RBM47: variants seen among roughly 807,000 people sequenced by gnomAD.
RBM47 encodes RNA binding motif protein 47, also known as RNA-binding protein 47.
RBM47 carries 21 observed loss-of-function variants against 47.1 expected under a neutral mutation model. The ratio of observed to expected loss-of-function variants is 0.45; its 90% CI spans 0.32 to 0.64. The LOEUF is 0.64. Ranked by LOEUF, RBM47 falls within the 30% of genes least tolerant of loss-of-function variation. RBM47 has a pLI of 0.05. For missense variants in RBM47, 708 were observed against 870.9 expected (o/e 0.81, Z 2.35); for synonymous variants, 375 against 361.7 (o/e 1.04, Z -0.42).
intron 2 of RBM47, among the ~76,000 whole-genome samples, chr4:40,468,313 T>C (rs1017812254): frequency 6.6e-5 from 10 of 152,070 alleles, no homozygotes; most frequent in African/African-American, 1.9e-4. Flanking sequence ...AAAATAAGAA[T>C]AAAGGAGTTG....
At chr4:40,544,556 A>G (rs1728836974) in intron 1 of RBM47, 50 bp from the exon 2 acceptor site, 1 of 152,226 alleles carries the variant, frequency 6.6e-6, no homozygotes, top group Non-Finnish European at 1.5e-5. Flanking sequence ...GGTATTGAGA[A>G]GTCCAAAGTT....
At position 40,609,388 on chromosome 4, in the gene RBM47, C is replaced by T. The variant is rs570837805; in HGVS notation, c.-240+20008G>A. ...AGTGCAGTGCCACAATCTTGGCTCA[C>T]GGTAACCTCCGCCTCCCAGGTTCAA... is the stretch of plus-strand genomic sequence containing the variant. On this transcript the variant is annotated intron_variant, in intron 1 of 6. Coordinates refer to ENST00000295971, the MANE Select transcript of RBM47 (RefSeq NM_001098634.2). Among the ~76,000 whole-genome samples the T allele has an allele frequency of 4.0e-5, 6 of 151,352 alleles. No individual in the cohort carries two copies. In the South Asian group the frequency reaches 1.0e-3, roughly 26 times the overall value.
chr4:40,569,519 C>T (rs1409688981), intron 1 of RBM47, among the ~76,000 whole-genome samples: 2 of 151,102 alleles, frequency 1.3e-5, no homozygotes, highest in African/African-American at 4.9e-5. Context: ...ACACCATTCT[C>T]CTGCCTCAGC....
At chr4:40,620,635 T>C (rs1307909682) in intron 1 of RBM47, among the ~76,000 whole-genome samples, 1 of 152,248 alleles carries the variant, frequency 6.6e-6, no homozygotes, top group African/African-American at 2.4e-5. Context: ...GCTCCCTCTA[T>C]ATAGTATATT....
chr4:40,437,653 G>C (rs1712867121), intron 4 of RBM47, 118 bp downstream of exon 4: 2 of 1,063,062 alleles, frequency 1.9e-6, no homozygotes, highest in Non-Finnish European at 2.7e-6. Context: ...CAAAACGGGG[G>C]TGGGAGGGCC....
chr4:40,607,869 T>C (rs975006119), intron 1 of RBM47, among the ~76,000 whole-genome samples: 2 of 151,916 alleles, frequency 1.3e-5, no homozygotes, highest in Non-Finnish European at 2.9e-5. Context: ...CTTTGGGAGG[T>C]TGAGGCGGAA....
chr4:40,570,041 T>G lies in RBM47; in HGVS notation c.-239-25535A>C, dbSNP rs189979133. 1.1e-3 allele frequency among the ~76,000 whole-genome samples: 170 copies of G among 151,930 alleles called. 2 individuals carry two copies. The highest frequency in any genetic ancestry group is 2.5e-4 in the Non-Finnish European group (17 of 67,832). On this transcript the variant is annotated intron_variant, in intron 1 of 6. Coordinates refer to ENST00000295971, the MANE Select transcript of RBM47 (RefSeq NM_001098634.2). ...ATATTTTTTGAAAATAAACATAAAC[T>G]AATGAGTGAGAGAGTCTGTCACAAA...
At chr4:40,590,095 A>G (rs561474553) in intron 1 of RBM47, among the ~76,000 whole-genome samples, 2 of 152,276 alleles carry the variant, frequency 1.3e-5, no homozygotes, top group African/African-American at 4.8e-5. Context: ...CCCACACTCC[A>G]TTCTAGCTGA....
intron 2 of RBM47, among the ~76,000 whole-genome samples, chr4:40,529,699 C>T (rs893024296): frequency 2.1e-4 from 31 of 149,860 alleles, no homozygotes; most frequent in African/African-American, 7.1e-4. Context: ...TGTGGTGGCA[C>T]ACACCTGTAA....
At chr4:40,455,231 G>T (rs1716055057) in intron 3 of RBM47, among the ~76,000 whole-genome samples, 2 of 152,266 alleles carry the variant, frequency 1.3e-5, no homozygotes, top group Middle Eastern at 6.8e-3. Context: ...TTCTTAAATG[G>T]AAATGTTGAA....
At chr4:40,432,031 A>AT (rs1490318253) in intron 6 of RBM47, among the ~76,000 whole-genome samples, 1 of 149,646 alleles carries the variant, frequency 6.7e-6, no homozygotes, top group Non-Finnish European at 1.5e-5. Flanking sequence ...AAAAAAAAAA[A>AT]ATTGTAGAGA....
intron 1 of RBM47, among the ~76,000 whole-genome samples, chr4:40,584,947 G>T (rs1578014132): frequency 1.3e-5 from 2 of 152,144 alleles, no homozygotes; most frequent in Admixed American, 6.6e-5. Context: ...GTGATACAAA[G>T]AATCTGTTCC....
intron 2 of RBM47, among the ~76,000 whole-genome samples, chr4:40,490,368 C>T (rs1721706911): frequency 6.6e-6 from 1 of 151,994 alleles, no homozygotes; most frequent in South Asian, 2.1e-4. Context: ...ATGACGTAGT[C>T]AATTACATGT....
chr4:40,534,241 C>T (rs930342747), intron 2 of RBM47, among the ~76,000 whole-genome samples: 9 of 152,066 alleles, frequency 5.9e-5, no homozygotes, highest in Admixed American at 2.6e-4. Context: ...GCTGGGATTA[C>T]AGGCCTGAGC....
chr4:40,596,354 G>A (rs576305413), intron 1 of RBM47, among the ~76,000 whole-genome samples: 5 of 152,176 alleles, frequency 3.3e-5, no homozygotes, highest in African/African-American at 7.2e-5. Flanking sequence ...TTAAGGGGGG[G>A]AAGAGGTCTT....
chr4:40,426,195 C>T (rs1715016765), intron 6 of RBM47, 52 bp from the exon 7 acceptor site: 1 of 1,567,738 alleles, frequency 6.4e-7, no homozygotes, highest in Non-Finnish European at 8.7e-7. Flanking sequence ...ATGTACCTAT[C>T]ATCCATTCAT....
At chr4:40,449,860 T>C (rs1476736289) in intron 3 of RBM47, among the ~76,000 whole-genome samples, 1 of 151,918 alleles carries the variant, frequency 6.6e-6, no homozygotes, top group African/African-American at 2.4e-5. Flanking sequence ...TGTACTTTTT[T>C]TAGTAGAGAT....
In RBM47 at chr4:40,437,090, A is replaced by AAAATATAT. The variant is rs1256296949; in HGVS notation, c.1124-444_1124-443insATATATTT. Reference sequence around the variant, plus strand: ...CCCTGTCTCAAAAAAAAAAAAAAAAAATATATATATATATATATATAAAAT... The same window carrying AAAATATAT: ...CCCTGTCTCAAAAAAAAAAAAAAAAAAAATATATATATATATATATATATATATAAAAT... On this transcript the variant is annotated intron_variant, in intron 4 of 6. Coordinates refer to ENST00000295971, the MANE Select transcript of RBM47 (RefSeq NM_001098634.2). 3.0e-4 allele frequency among the ~76,000 whole-genome samples: 15 copies of AAAATATAT among 49,802 alleles called. 1 individual carries two copies. The highest frequency in any genetic ancestry group is 1.4e-3 in the African/African-American group (13 of 9,168). 32.7% of individuals were successfully genotyped at this position (49,802 alleles called of 152,430 possible).
At chr4:40,612,802 C>A (rs1039479399) in intron 1 of RBM47, among the ~76,000 whole-genome samples, 2 of 152,178 alleles carry the variant, frequency 1.3e-5, no homozygotes, top group Non-Finnish European at 2.9e-5. Flanking sequence ...ACAAAGAAGT[C>A]AAACCTAGAA....
Sources: allele counts gnomAD v4.1 joint callset (sites outside exome capture counted in the v4.1 genomes callset), GRCh38; gene constraint gnomAD v4.1.1; transcripts MANE v1.5; gene names NCBI Gene and HGNC (gene_info 2026-07-23, HGNC 2026-07-21).